ZNF804B: variants seen among roughly 807,000 people sequenced by gnomAD.
ZNF804B encodes zinc finger protein 804B.
In ZNF804B, 80 loss-of-function variants were observed where a neutral mutation model predicts 101.4. That is an observed-to-expected ratio of 0.79 (90% CI 0.66 to 0.95). The LOEUF (loss-of-function observed/expected upper bound fraction) is 0.95, where lower values mean the gene tolerates loss of function less well. ZNF804B is among the 40% of genes least tolerant of loss of function. ZNF804B has a pLI of 0.00. For synonymous variants in ZNF804B, 622 were observed against 558.8 expected, an observed-to-expected ratio of 1.11 and a Z score of -1.59; for missense variants, 1,673 against 1,561.9, an observed-to-expected ratio of 1.07 and a Z score of -1.20.
chr7:88,844,155 C>A (rs1791333443), intron 1 of ZNF804B, among the ~76,000 whole-genome samples: 1 of 152,112 alleles, frequency 6.6e-6, no homozygotes, highest in South Asian at 2.1e-4. Context: ...AACTTAAATA[C>A]TTTTTATCAA....
intron 2 of ZNF804B, among the ~76,000 whole-genome samples, chr7:89,294,943 T>G (rs1790357650): frequency 6.6e-6 from 1 of 152,142 alleles, no homozygotes; most frequent in African/African-American, 2.4e-5. Context: ...ATTATAATAT[T>G]TATGTGTTTA....
chr7:89,278,292 T>C (rs1790023072), intron 2 of ZNF804B, among the ~76,000 whole-genome samples: 4 of 151,852 alleles, frequency 2.6e-5, no homozygotes, highest in Admixed American at 1.3e-4. Flanking sequence ...TTCTCCCATT[T>C]TGTAGGTTGC....
intron 1 of ZNF804B, among the ~76,000 whole-genome samples, chr7:89,145,260 A>G (rs1353477031): frequency 6.6e-6 from 1 of 152,080 alleles, no homozygotes; most frequent in Non-Finnish European, 1.5e-5. Flanking sequence ...TTAACTGACA[A>G]CTGAAAAGCA....
At chr7:88,801,124 G>T (rs1030835766) in intron 1 of ZNF804B, among the ~76,000 whole-genome samples, 1 of 151,780 alleles carries the variant, frequency 6.6e-6, no homozygotes, top group Non-Finnish European at 1.5e-5. Context: ...TTCTTTAGTG[G>T]TGATTTGCAA....
intron 1 of ZNF804B, among the ~76,000 whole-genome samples, chr7:89,049,725 A>G (rs1353086686): frequency 6.6e-6 from 1 of 152,122 alleles, no homozygotes; most frequent in East Asian, 1.9e-4. Context: ...AATTTCCCAC[A>G]GTCTGGCCAG....
At chr7:88,811,306 A>G (rs1210118945) in intron 1 of ZNF804B, among the ~76,000 whole-genome samples, 9 of 152,216 alleles carry the variant, frequency 5.9e-5, no homozygotes, top group African/African-American at 1.9e-4. Context: ...ACAATGAGAT[A>G]CAATTTCACA....
intron 1 of ZNF804B, among the ~76,000 whole-genome samples, chr7:89,135,271 A>G (rs1266226917): frequency 1.3e-5 from 2 of 152,080 alleles, no homozygotes; most frequent in Non-Finnish European, 2.9e-5. Flanking sequence ...GCATATTTCC[A>G]TATAGTGTAA....
chr7:89,192,224 A>C (rs918104328), intron 1 of ZNF804B, among the ~76,000 whole-genome samples: 3 of 152,082 alleles, frequency 2.0e-5, no homozygotes, highest in Non-Finnish European at 4.4e-5. Context: ...TGTATCTATC[A>C]CCCTTGAGAG....
intron 1 of ZNF804B, among the ~76,000 whole-genome samples, chr7:88,860,622 C>T (rs1791631292): frequency 1.3e-5 from 2 of 151,970 alleles, no homozygotes; most frequent in South Asian, 4.1e-4. Flanking sequence ...ATTTACAGTC[C>T]TGTGTCTGAG....
chr7:89,274,366 C>T (rs1208851), intron 2 of ZNF804B, among the ~76,000 whole-genome samples: 77,576 of 115,324 alleles, frequency 0.67, 26,618 homozygotes, highest in African/African-American at 0.8. Context: ...TGTGTCCATG[C>T]GATCTCATTG....
At chr7:88,901,702 A>C (rs972772889) in intron 1 of ZNF804B, among the ~76,000 whole-genome samples, 1 of 151,870 alleles carries the variant, frequency 6.6e-6, no homozygotes, top group African/African-American at 2.4e-5. Flanking sequence ...TCCAAAGACA[A>C]ATTTTTAGAA....
intron 1 of ZNF804B, among the ~76,000 whole-genome samples, chr7:89,092,391 G>T (rs964918376): frequency 2.2e-5 from 3 of 137,158 alleles, no homozygotes; most frequent in Non-Finnish European, 3.1e-5. Context: ...CTCTAACATT[G>T]ATTTCTTTTC....
At chr7:89,191,144 C>G (rs2115613630) in intron 1 of ZNF804B, among the ~76,000 whole-genome samples, 1 of 152,058 alleles carries the variant, frequency 6.6e-6, no homozygotes, top group Admixed American at 6.6e-5. Flanking sequence ...AACAGAGAAT[C>G]TAAAACAAAT....
In ZNF804B at chr7:89,048,227, A is replaced by ACAG. The variant is rs1215451394; in HGVS notation, c.109-169928_109-169927insCAG. 4.7e-5 allele frequency among the ~76,000 whole-genome samples: 5 copies of ACAG among 106,212 alleles called. 1 individual carries two copies. Among genetic ancestry groups the ACAG allele is most frequent in the African/African-American group, 1.9e-4 (5 of 27,012 alleles). 69.7% of individuals were successfully genotyped at this position (106,212 alleles called of 152,430 possible). ...AAACACACACACACACACACACACA[A>ACAG]TGGAATACTACTCAGCTGTAAAAAG... On this transcript the variant is annotated intron_variant, in intron 1 of 3. Transcript: ENST00000333190.
chr7:88,956,069 A>G (rs1793301000), intron 1 of ZNF804B, among the ~76,000 whole-genome samples: 1 of 151,670 alleles, frequency 6.6e-6, no homozygotes, highest in Non-Finnish European at 1.5e-5. Context: ...GCTATTATCA[A>G]AAAGACAAAA....
chr7:89,077,721 TA>T (rs1789635574), intron 1 of ZNF804B, among the ~76,000 whole-genome samples: 1 of 152,154 alleles, frequency 6.6e-6, no homozygotes, highest in South Asian at 2.1e-4. Context: ...TATTTTTGAA[TA>T]AAAGATGTTA....
intron 1 of ZNF804B, among the ~76,000 whole-genome samples, chr7:88,942,509 T>C (rs561384502): frequency 2.5e-4 from 38 of 149,968 alleles, no homozygotes; most frequent in South Asian, 6.3e-4. Context: ...TGAGTGTGTG[T>C]GTGTGTGTGT....
intron 2 of ZNF804B, among the ~76,000 whole-genome samples, chr7:89,255,656 T>C (rs573374549): frequency 6.6e-6 from 1 of 152,268 alleles, no homozygotes; most frequent in Non-Finnish European, 1.5e-5. Context: ...TAGGAAAATA[T>C]CTTTATAATT....
intron 1 of ZNF804B, among the ~76,000 whole-genome samples, chr7:89,024,987 A>G (rs531215931): frequency 6.6e-6 from 1 of 152,172 alleles, no homozygotes; most frequent in African/African-American, 2.4e-5. Context: ...ACCCATACCT[A>G]TAGATGCAGC....
Sources: gnomAD v4.1 joint callset for allele counts (sites outside exome capture counted in the v4.1 genomes callset) on GRCh38, gnomAD v4.1.1 for gene constraint, MANE v1.5 for transcripts, NCBI Gene and HGNC (gene_info 2026-07-23, HGNC 2026-07-21) for gene names.